Variants in BCLAF3 observed in about 807,000 individuals in gnomAD.
BCLAF3 encodes the protein transient octamer binding factor 1.
BCLAF3 carries 24 observed loss-of-function variants against 51.2 expected under a neutral mutation model. That is an observed-to-expected ratio of 0.47 (90% CI 0.34 to 0.66). The LOEUF (loss-of-function observed/expected upper bound fraction) is 0.66, where lower values mean the gene tolerates loss of function less well. Ranked by LOEUF, BCLAF3 falls within the 30% of genes least tolerant of loss-of-function variation. The probability of loss-of-function intolerance (pLI) is 0.01; values close to 1 mark genes in which losing one functional copy is unlikely to be tolerated. For missense variants in BCLAF3, 465 were observed against 525.1 expected, an observed-to-expected ratio of 0.89 and a Z score of 1.12; for synonymous variants, 152 against 176.6, an observed-to-expected ratio of 0.86 and a Z score of 1.10.
rs775856330 is a variant in BCLAF3, at chrX:19,940,539, C to T, written c.1746-3007G>A. On this transcript the variant is annotated intron_variant, in intron 8 of 11. Transcript: ENST00000379682. ...TGCGGTGTTTGGTTTTTTGTTCTTG[C>T]GATAATTTACTGAGAATGATGATTT... Among the ~76,000 whole-genome samples, 447 of 110,491 alleles carry T rather than the reference C, an allele frequency of 4.0e-3. 2 individuals are homozygous for T. Among genetic ancestry groups the T allele is most frequent in the African/African-American group, 0.013 (405 of 30,313 alleles).
intron 1 of BCLAF3, among the ~76,000 whole-genome samples, chrX:19,978,806 T>C (rs2072517404): frequency 9.1e-6 from 1 of 109,903 alleles, no homozygotes; most frequent in Non-Finnish European, 1.9e-5. Context: ...TTCACTTTGT[T>C]GCCCAGGCTG....
At chrX:19,934,545 C>T (rs1266081962) in intron 10 of BCLAF3, among the ~76,000 whole-genome samples, 1 of 112,437 alleles carries the variant, frequency 8.9e-6, no homozygotes, top group Admixed American at 9.4e-5. Flanking sequence ...AAAATGTAAT[C>T]TATTCAATGC....
Position 19,966,478 on chromosome X carries a change from G to C in BCLAF3, c.213C>G (p.Tyr71Ter). The C allele has an allele frequency of 8.3e-7, 1 of 1,211,209 alleles. No individual in the cohort carries two copies. The highest frequency in any genetic ancestry group is 1.1e-6 in the Non-Finnish European group (1 of 895,317). ...PRIPSRGNIYYQSYEHRSPSP... is the reference protein window; with the variant it reads ...PRIPSRGNIY ...AAGGTGATCTATGTTCATAAGACTG[G>C]TAATATATATTTCCACGAGAGGGAA... is the stretch of plus-strand genomic sequence containing the variant. The change falls in exon 3 of 12, where the codon TAC becomes TAG. Residue 71 changes from tyrosine to a stop codon, truncating the protein, a stop_gained. Coordinates refer to ENST00000379682, the MANE Select transcript of BCLAF3 (RefSeq NM_001367774.2). LOFTEE classifies it high-confidence loss of function.
chrX:19,957,822 T>C (rs1166394690), intron 4 of BCLAF3, among the ~76,000 whole-genome samples: 1 of 112,091 alleles, frequency 8.9e-6, no homozygotes, highest in Non-Finnish European at 1.9e-5. Context: ...CTCCAAATTT[T>C]AGTCTTTTAA....
chrX:19,965,132 G>C lies in BCLAF3; in HGVS notation c.1186C>G (p.Leu396Val). The change falls in exon 4 of 12, where the codon CTT becomes GTT. Residue 396 changes from leucine (L) to valine (V), a missense_variant. Physicochemically the swap from Leu to Val is conservative, Grantham distance 32 (BLOSUM62 1). Transcript: ENST00000379682. ...SSNQLDKSQK[L>V]PDVKPSPINL... ...ATAGGCGAGGGTTTCACATCAGGAA[G>C]TTTTTGACTTTTATCAAGTTGGTTA... 1 of 1,205,991 alleles carries C rather than the reference G, an allele frequency of 8.3e-7. No individual in the cohort carries two copies. Among genetic ancestry groups the C allele is most frequent in the Non-Finnish European group, 1.1e-6 (1 of 893,642 alleles).
chrX:19,921,100 G>A (rs1310605084), intron 11 of BCLAF3, among the ~76,000 whole-genome samples: 1 of 111,734 alleles, frequency 8.9e-6, no homozygotes, highest in Non-Finnish European at 1.9e-5. Context: ...ATGGGGAAAT[G>A]CAGCTAGTAA....
chrX:19,950,611 T>C (rs765326471), intron 8 of BCLAF3, 142 bp downstream of exon 8: 14 of 415,513 alleles, frequency 3.4e-5, no homozygotes, highest in Middle Eastern at 3.9e-4. Context: ...AACATTTTAA[T>C]AGATTTCACT....
intron 7 of BCLAF3, among the ~76,000 whole-genome samples, chrX:19,952,490 T>C (rs1449665078): frequency 1.8e-5 from 2 of 110,584 alleles, no homozygotes; most frequent in African/African-American, 6.6e-5. Context: ...ACGACACACA[T>C]GAATAAAGAA....
At position 19,915,430 on chromosome X, in the gene BCLAF3, A is replaced by T. The variant is rs1924550076; in HGVS notation, c.*1875T>A. ...TTTAGGCTTTAGATCTTATACACACAATGTTTTCTGCACAGGTATTTTGCA... is the reference window on the plus strand; with the variant it reads ...TTTAGGCTTTAGATCTTATACACACTATGTTTTCTGCACAGGTATTTTGCA... On this transcript the variant is annotated 3_prime_UTR_variant, in exon 12 of 12. Coordinates refer to ENST00000379682, the MANE Select transcript of BCLAF3 (RefSeq NM_001367774.2). The T allele has an allele frequency of 8.9e-6, 1 of 112,077 alleles. No individual in the cohort carries two copies. 9.2% of individuals were successfully genotyped at this position (112,077 alleles called of 1,213,427 possible). A position where few individuals can be genotyped will look rare whatever the true frequency, so the allele number is the denominator to read the frequency against.
At chrX:19,955,093 T>C (rs915483500) in intron 5 of BCLAF3, among the ~76,000 whole-genome samples, 7 of 111,437 alleles carry the variant, frequency 6.3e-5, no homozygotes, top group Non-Finnish European at 1.1e-4. Context: ...AGGTTACCAG[T>C]TATTGTTTCT....
chrX:19,920,595 G>A (rs1207684022), intron 11 of BCLAF3, among the ~76,000 whole-genome samples: 1 of 111,265 alleles, frequency 9.0e-6, no homozygotes. Context: ...CGAGGTGGGT[G>A]GATCGCTTGA....
At chrX:19,975,768 C>T (rs186853815) in intron 1 of BCLAF3, among the ~76,000 whole-genome samples, 28 of 112,134 alleles carry the variant, frequency 2.5e-4, no homozygotes, top group African/African-American at 9.1e-4. Context: ...GGATTACAGG[C>T]GTGAACCACC....
chrX:19,972,194 A>G (rs1433856439), intron 1 of BCLAF3, among the ~76,000 whole-genome samples: 1 of 112,399 alleles, frequency 8.9e-6, no homozygotes, highest in East Asian at 2.8e-4. Flanking sequence ...AAATGTATTC[A>G]TTTAACAAAT....
intron 1 of BCLAF3, among the ~76,000 whole-genome samples, chrX:19,989,222 G>A (rs112838403): frequency 0.025 from 2,830 of 111,040 alleles, 104 homozygotes; most frequent in African/African-American, 0.088. Flanking sequence ...TGGGCCGGGC[G>A]CGGTGGCTCA....
Position 19,937,526 on chromosome X carries a change from A to T in BCLAF3, c.1752T>A (p.Asp584Glu). Residue 584 changes from aspartate (D) to glutamate (E), a missense_variant, in exon 9 of 12, where the codon GAT (aspartate) becomes GAA (glutamate). Physicochemically the swap from Asp to Glu is conservative, Grantham distance 45 (BLOSUM62 2). Coordinates refer to ENST00000379682, the MANE Select transcript of BCLAF3 (RefSeq NM_001367774.2). ...FHIASAAERDDQNSSFSKVKN... is the reference protein window; with the variant it reads ...FHIASAAERDEQNSSFSKVKN... ...TTACCTTTGAAAAACTGGAATTCTG[A>T]TCATCCCTAATAAGGAAACAGAGAA... 1 of 1,020,118 alleles carries T rather than the reference A, an allele frequency of 9.8e-7. No homozygotes were observed. Among genetic ancestry groups the T allele is most frequent in the Non-Finnish European group, 1.4e-6 (1 of 736,016 alleles). The allele number at this position is 1,020,118 out of a possible 1,213,427, so 84.1% of individuals were successfully genotyped here.
intron 8 of BCLAF3, among the ~76,000 whole-genome samples, chrX:19,949,707 T>C (rs1424059334): frequency 2.7e-5 from 3 of 112,587 alleles, no homozygotes; most frequent in Admixed American, 1.9e-4. Context: ...ATCAAGTCCA[T>C]ATATTCTGAC....
At chrX:19,981,111 A>G (rs2072597876) in intron 1 of BCLAF3, among the ~76,000 whole-genome samples, 2 of 111,265 alleles carry the variant, frequency 1.8e-5, no homozygotes, top group Non-Finnish European at 3.8e-5. Flanking sequence ...TACACCAGAT[A>G]TTAAGAGGTT....
chrX:19,946,056 C>A (rs1422041550), intron 8 of BCLAF3, among the ~76,000 whole-genome samples: 17 of 109,908 alleles, frequency 1.5e-4, no homozygotes, highest in African/African-American at 5.0e-4. Flanking sequence ...TCCGTCACCC[C>A]TTTCTTTGAC....
intron 10 of BCLAF3, chrX:19,935,358 C>T (rs2070720445): frequency 8.8e-6 from 1 of 114,226 alleles, no homozygotes; most frequent in African/African-American, 3.3e-5. Context: ...ACAAAGCTAC[C>T]TGGACCAGAA....
Sources: allele counts gnomAD v4.1 joint callset (sites outside exome capture counted in the v4.1 genomes callset), GRCh38; gene constraint gnomAD v4.1.1; transcripts MANE v1.5; gene names NCBI Gene and HGNC (gene_info 2026-07-23, HGNC 2026-07-21).